CPQ: variants seen among roughly 807,000 people sequenced by gnomAD.
The protein encoded by CPQ is carboxypeptidase Q, also known as Ser-Met dipeptidase.
CPQ carries 37 observed loss-of-function variants against 45.7 expected under a neutral mutation model. The ratio of observed to expected loss-of-function variants is 0.81; its 90% CI spans 0.62 to 1.07. The LOEUF (loss-of-function observed/expected upper bound fraction) is 1.07. Ranked by LOEUF, CPQ falls within the 50% of genes least tolerant of loss-of-function variation. The pLI is 0.00. For synonymous variants in CPQ, 186 were observed against 205.8 expected (o/e 0.90, Z 0.82); for missense variants, 537 against 572.9 (o/e 0.94, Z 0.64).
chr8:96,743,604 G>C (rs1810128061), intron 1 of CPQ, among the ~76,000 whole-genome samples: 2 of 151,828 alleles, frequency 1.3e-5, no homozygotes, highest in African/African-American at 2.4e-5. Context: ...CATCTTTGTG[G>C]TTTTATCTAC....
chr8:96,901,394 G>C (rs1171460425), intron 4 of CPQ, among the ~76,000 whole-genome samples: 1 of 152,138 alleles, frequency 6.6e-6, no homozygotes, highest in Admixed American at 6.6e-5. Flanking sequence ...CTCTGATGCA[G>C]AGTCTGCCTC....
chr8:97,062,787 C>G (rs1455768703), intron 6 of CPQ, among the ~76,000 whole-genome samples: 1 of 152,086 alleles, frequency 6.6e-6, no homozygotes, highest in Non-Finnish European at 1.5e-5. Context: ...CATCCATGTC[C>G]CTGCAAAGGA....
intron 5 of CPQ, among the ~76,000 whole-genome samples, chr8:96,982,817 C>T (rs1358538146): frequency 6.6e-6 from 1 of 152,192 alleles, no homozygotes; most frequent in South Asian, 2.1e-4. Flanking sequence ...ACTCCTTTGA[C>T]AGATGAAGGG....
intron 1 of CPQ, among the ~76,000 whole-genome samples, chr8:96,679,554 G>A (rs1404194338): frequency 2.0e-5 from 3 of 151,910 alleles, no homozygotes; most frequent in Admixed American, 2.0e-4. Flanking sequence ...TCTGCTCCTG[G>A]TCTTTTCTTA....
At chr8:96,731,848 C>G (rs1451648361) in intron 1 of CPQ, among the ~76,000 whole-genome samples, 3 of 151,610 alleles carry the variant, frequency 2.0e-5, no homozygotes, top group Non-Finnish European at 4.4e-5. Flanking sequence ...CATATTCTTC[C>G]CTATTTTTTT....
At chr8:96,793,336 T>C (rs1810877554) in intron 2 of CPQ, among the ~76,000 whole-genome samples, 1 of 152,140 alleles carries the variant, frequency 6.6e-6, no homozygotes, top group South Asian at 2.1e-4. Flanking sequence ...GGCCTCACAA[T>C]CGTGGCAGAA....
chr8:97,018,740 A>G (rs541841743), intron 5 of CPQ, among the ~76,000 whole-genome samples: 18 of 152,310 alleles, frequency 1.2e-4, no homozygotes, highest in African/African-American at 4.1e-4. Context: ...ATTATGTTAA[A>G]CTACAAAACC....
chr8:96,959,386 C>G (rs1438361221), intron 4 of CPQ, among the ~76,000 whole-genome samples: 1 of 152,116 alleles, frequency 6.6e-6, no homozygotes, highest in African/African-American at 2.4e-5. Context: ...TTATTTATCC[C>G]TTCTCTTTTA....
intron 7 of CPQ, among the ~76,000 whole-genome samples, chr8:97,137,411 T>TC (rs1264706333): frequency 8.5e-5 from 13 of 152,180 alleles, no homozygotes; most frequent in Non-Finnish European, 1.5e-4. Context: ...TTCTAATTCA[T>TC]CCTCCATTCA....
chr8:96,997,425 C>T (rs929657098), intron 5 of CPQ, among the ~76,000 whole-genome samples: 1 of 151,974 alleles, frequency 6.6e-6, no homozygotes, highest in Non-Finnish European at 1.5e-5. Context: ...ACAAATAGTT[C>T]TCTTTTGTTT....
At chr8:97,021,902 C>CA (rs1372927320) in intron 5 of CPQ, among the ~76,000 whole-genome samples, 3 of 151,774 alleles carry the variant, frequency 2.0e-5, no homozygotes, top group Non-Finnish European at 2.9e-5. Context: ...CATACAGAAC[C>CA]AAAAAAAGAG....
At chr8:96,719,432 A>G (rs1809733156) in intron 1 of CPQ, among the ~76,000 whole-genome samples, 1 of 152,126 alleles carries the variant, frequency 6.6e-6, no homozygotes, top group African/African-American at 2.4e-5. Context: ...TTCCGCAAGC[A>G]CCGCACGCAG....
intron 2 of CPQ, among the ~76,000 whole-genome samples, chr8:96,831,994 A>C (rs1293515736): frequency 6.6e-6 from 1 of 152,190 alleles, no homozygotes; most frequent in Non-Finnish European, 1.5e-5. Flanking sequence ...CACAGATATC[A>C]AACATTTCTG....
chr8:96,915,879 C>T (rs1812726433), intron 4 of CPQ, among the ~76,000 whole-genome samples: 1 of 152,178 alleles, frequency 6.6e-6, no homozygotes, highest in Admixed American at 6.6e-5. Context: ...TCCCACTTTG[C>T]ATACAGGCCA....
chr8:97,118,308 A>G (rs977085258), intron 7 of CPQ, among the ~76,000 whole-genome samples: 1 of 152,048 alleles, frequency 6.6e-6, no homozygotes, highest in Admixed American at 6.5e-5. Flanking sequence ...CCAGATGGTG[A>G]TTCTAGTCCT....
At chr8:96,736,856 A>G (rs1809989029) in intron 1 of CPQ, among the ~76,000 whole-genome samples, 1 of 152,180 alleles carries the variant, frequency 6.6e-6, no homozygotes, top group Non-Finnish European at 1.5e-5. Context: ...CTGAGCCCAT[A>G]TTGGTAGTTC....
At chr8:97,053,311 T>C (rs1586516777) in intron 6 of CPQ, among the ~76,000 whole-genome samples, 1 of 152,234 alleles carries the variant, frequency 6.6e-6, no homozygotes, top group East Asian at 1.9e-4. Flanking sequence ...ATAAGTAAAA[T>C]TGTATGTTAG....
intron 1 of CPQ, among the ~76,000 whole-genome samples, chr8:96,672,026 C>G (rs1809009917): frequency 6.6e-6 from 1 of 152,034 alleles, no homozygotes; most frequent in South Asian, 2.1e-4. Context: ...AAGTATTTCT[C>G]CTTTGATAGA....
At position 96,810,897 on chromosome 8, in the gene CPQ, G is replaced by C. The variant is rs192782881; in HGVS notation, c.434-24076G>C. ...TTTGGGTCCTCTATAGCACTTACTA[G>C]AGTTCATTGCATCTAGAAATGTTAA... is the stretch of plus-strand genomic sequence containing the variant. On this transcript the variant is annotated intron_variant, in intron 2 of 7. Coordinates refer to ENST00000220763, the MANE Select transcript of CPQ (RefSeq NM_016134.4). Among the ~76,000 whole-genome samples, 160 of 152,262 alleles carry C rather than the reference G, an allele frequency of 1.1e-3. 1 individual carries two copies. The highest frequency in any genetic ancestry group is 3.7e-3 in the Admixed American group (57 of 15,282).
Sources: allele counts gnomAD v4.1 joint callset (sites outside exome capture counted in the v4.1 genomes callset), GRCh38; gene constraint gnomAD v4.1.1; transcripts MANE v1.5; gene names NCBI Gene and HGNC (gene_info 2026-07-23, HGNC 2026-07-21).